Variants in ARID1B observed in about 807,000 individuals in gnomAD.
ARID1B encodes AT-rich interactive domain-containing protein 1B.
Under a neutral mutation model 212.3 loss-of-function variants are expected in ARID1B, and 30 were observed. The observed-to-expected ratio is 0.14, with a 90% CI of 0.11 to 0.19. The LOEUF (loss-of-function observed/expected upper bound fraction) is 0.19. ARID1B is among the 10% of genes least tolerant of loss of function. The pLI is 1.00. For synonymous variants in ARID1B, 1,402 were observed against 1,301.7 expected (o/e 1.08, Z -1.66); for missense variants, 2,891 against 3,204.0 (o/e 0.90, Z 2.36).
chr6:156,816,843 G>A (rs1781999692), intron 1 of ARID1B, among the ~76,000 whole-genome samples: 1 of 152,082 alleles, frequency 6.6e-6, no homozygotes. Context: ...TTGTCCTTCT[G>A]GAGTTTGGAT....
At chr6:157,042,544 A>C (rs1176311405) in intron 4 of ARID1B, among the ~76,000 whole-genome samples, 1 of 152,192 alleles carries the variant, frequency 6.6e-6, no homozygotes, top group East Asian at 1.9e-4. Flanking sequence ...AAAATGAATT[A>C]CAAGGATAAT....
intron 8 of ARID1B, 66 bp from the exon 9 acceptor site, chr6:157,166,974 T>G (rs976357428): frequency 1.7e-5 from 26 of 1,566,850 alleles, no homozygotes; most frequent in Non-Finnish European, 2.0e-5. Context: ...TAGAAATGAC[T>G]GCCAGGGCAA....
chr6:156,817,764 ATTTAC>A (rs969682650), intron 1 of ARID1B, among the ~76,000 whole-genome samples: 47 of 152,238 alleles, frequency 3.1e-4, no homozygotes, highest in African/African-American at 1.1e-3. Context: ...ATTTTGCTAC[ATTTAC>A]TTTATTATTC....
chr6:157,171,374 G>C (rs1791707904), intron 9 of ARID1B, among the ~76,000 whole-genome samples: 1 of 152,198 alleles, frequency 6.6e-6, no homozygotes, highest in Non-Finnish European at 1.5e-5. Flanking sequence ...ACAGTGCCTT[G>C]ATTTAACACG....
chr6:156,894,267 C>CGGGGGTTGGGATGGGGGCCA (rs1788198756), intron 2 of ARID1B, among the ~76,000 whole-genome samples: 2 of 26,864 alleles, frequency 7.4e-5, no homozygotes, highest in African/African-American at 1.7e-4. Context: ...TGGTGCTTGC[C>CGGGGGTTGGGATGGGGGCCA]GGGGGTTGGG....
At chr6:156,987,038 G>T (rs1034843624) in intron 4 of ARID1B, among the ~76,000 whole-genome samples, 8 of 151,836 alleles carry the variant, frequency 5.3e-5, no homozygotes, top group African/African-American at 1.7e-4. Flanking sequence ...AAATTAGTCG[G>T]GTGTGATGGT....
At chr6:157,039,328 T>TTTTTTTTTTTTTTC in intron 4 of ARID1B, among the ~76,000 whole-genome samples, 1 of 121,962 alleles carries the variant, frequency 8.2e-6, no homozygotes, top group East Asian at 2.2e-4. Context: ...ATTTCTTTTT[T>TTTTTTTTTTTTTTC]TTTTTTTTTT....
Position 157,197,641 on chromosome 6 carries a change from A to G in ARID1B, c.4383-1170A>G, listed in dbSNP as rs1164182645. Among the ~76,000 whole-genome samples, 5 of 152,370 alleles carry G rather than the reference A, an allele frequency of 3.3e-5. No homozygotes were observed. The East Asian group carries it at 7.7e-4, about 23-fold the overall frequency. On this transcript the variant is annotated intron_variant, in intron 16 of 19. Transcript: ENST00000636930. ...TCGTTAATCAGTTAACCATAAGGTA[A>G]CATTTAGTGTGCTGAATCAAGGATT... is the stretch of plus-strand genomic sequence containing the variant.
intron 7 of ARID1B, among the ~76,000 whole-genome samples, chr6:157,138,353 A>G (rs1295776080): frequency 6.6e-6 from 1 of 152,072 alleles, no homozygotes; most frequent in East Asian, 1.9e-4. Context: ...CTCCCACCTC[A>G]GCCTCTCTAG....
intron 2 of ARID1B, among the ~76,000 whole-genome samples, chr6:156,871,131 G>GT (rs1306370881): frequency 6.6e-6 from 1 of 152,132 alleles, no homozygotes; most frequent in Non-Finnish European, 1.5e-5. Context: ...TGCTGTCATC[G>GT]TTTCTCCTTT....
chr6:157,137,683 C>T (rs1368932874), intron 7 of ARID1B, among the ~76,000 whole-genome samples: 1 of 152,122 alleles, frequency 6.6e-6, no homozygotes, highest in Non-Finnish European at 1.5e-5. Flanking sequence ...GGGCAAGTAA[C>T]AGTAGTTCTG....
chr6:157,068,189 G>T (rs538738703), intron 4 of ARID1B, among the ~76,000 whole-genome samples: 1 of 152,174 alleles, frequency 6.6e-6, no homozygotes, highest in Admixed American at 6.6e-5. Flanking sequence ...TTATCAATTC[G>T]AGCAAAATTA....
chr6:157,055,239 A>G (rs1206086697), intron 4 of ARID1B, among the ~76,000 whole-genome samples: 1 of 152,240 alleles, frequency 6.6e-6, no homozygotes, highest in African/African-American at 2.4e-5. Flanking sequence ...ATATGCTGCT[A>G]TAGAAAAGAT....
intron 5 of ARID1B, among the ~76,000 whole-genome samples, chr6:157,106,321 C>T (rs1483245466): frequency 1.3e-5 from 2 of 152,196 alleles, no homozygotes; most frequent in African/African-American, 2.4e-5. Context: ...CACCTCTTAG[C>T]TGCTCAGGAC....
At chr6:156,988,688 TG>T (rs1778086498) in intron 4 of ARID1B, among the ~76,000 whole-genome samples, 2 of 152,218 alleles carry the variant, frequency 1.3e-5, no homozygotes, top group African/African-American at 4.8e-5. Context: ...CCAACACAGC[TG>T]GTTTGCCTGT....
chr6:157,141,914 A>G (rs1397290847), intron 7 of ARID1B, among the ~76,000 whole-genome samples: 1 of 152,208 alleles, frequency 6.6e-6, no homozygotes, highest in Non-Finnish European at 1.5e-5. Context: ...TCTAATTTCT[A>G]GGGTTTTACC....
chr6:157,158,767 T>C lies in ARID1B; in HGVS notation c.3090-8273T>C, dbSNP rs140437093. 3.0e-3 allele frequency among the ~76,000 whole-genome samples: 462 copies of C among 152,342 alleles called. 6 individuals are homozygous for C. Among genetic ancestry groups the C allele is most frequent in the African/African-American group, 0.011 (438 of 41,570 alleles). ...TGTCCTGGAATAAAGGATGTGGCTA[T>C]TCCTAGCACTGAGAAGTAATAGCCC... On this transcript the variant is annotated intron_variant, in intron 8 of 19. Coordinates refer to ENST00000636930, the MANE Select transcript of ARID1B (RefSeq NM_001374828.1).
At chr6:156,874,041 T>G (rs750701095) in intron 2 of ARID1B, among the ~76,000 whole-genome samples, 13 of 152,194 alleles carry the variant, frequency 8.5e-5, no homozygotes, top group African/African-American at 1.4e-4. Context: ...CCTTTTTTCC[T>G]GTACTGACTA....
At chr6:157,059,065 T>C (rs1422414219) in intron 4 of ARID1B, among the ~76,000 whole-genome samples, 1 of 151,386 alleles carries the variant, frequency 6.6e-6, no homozygotes, top group Admixed American at 6.6e-5. Flanking sequence ...AATTGTGTTT[T>C]TGTTTTTTTT....
Sources: allele counts gnomAD v4.1 joint callset (sites outside exome capture counted in the v4.1 genomes callset), GRCh38; gene constraint gnomAD v4.1.1; transcripts MANE v1.5; gene names NCBI Gene and HGNC (gene_info 2026-07-23, HGNC 2026-07-21).